Variants in CNTNAP2 observed in about 807,000 individuals in gnomAD.
CNTNAP2 encodes the protein contactin-associated protein-like 2.
Under a neutral mutation model 155.2 loss-of-function variants are expected in CNTNAP2, and 98 were observed. The observed-to-expected ratio is 0.63, with a 90% CI of 0.54 to 0.75. The LOEUF (loss-of-function observed/expected upper bound fraction) is 0.75. Ranked by LOEUF, CNTNAP2 falls within the 30% of genes least tolerant of loss-of-function variation. CNTNAP2 has a pLI of 0.00. For missense variants in CNTNAP2, 1,727 were observed against 1,688.1 expected (o/e 1.02, Z -0.40); for synonymous variants, 651 against 631.2 (o/e 1.03, Z -0.47).
intron 1 of CNTNAP2, among the ~76,000 whole-genome samples, chr7:146,641,280 C>T (rs950944833): frequency 3.9e-5 from 6 of 152,094 alleles, no homozygotes; most frequent in African/African-American, 1.2e-4. Context: ...GAGCCGAGAT[C>T]GCACCACTGC....
At chr7:146,775,105 C>A (rs1802365816) in intron 2 of CNTNAP2, among the ~76,000 whole-genome samples, 2 of 152,032 alleles carry the variant, frequency 1.3e-5, no homozygotes. Context: ...CAAACAGAGA[C>A]CATGATGTTT....
In CNTNAP2 at chr7:148,409,806, C is replaced by CTCGGGATACTGAGGCAGGAGAA. The variant is rs1563077600; in HGVS notation, c.3796+336_3796+337insCGGGATACTGAGGCAGGAGAAT. Among the ~76,000 whole-genome samples, 267 of 60,082 alleles carry CTCGGGATACTGAGGCAGGAGAA rather than the reference C, an allele frequency of 4.4e-3. 3 individuals carry two copies. The highest frequency in any genetic ancestry group is 5.5e-3 in the African/African-American group (69 of 12,498). The allele number at this position is 60,082 out of a possible 152,430, so 39.4% of individuals were successfully genotyped here. On this transcript the variant is annotated intron_variant, in intron 23 of 23. Transcript: ENST00000361727. ...GTGGCTCACGCCTGTAATCCCAGCA[C>CTCGGGATACTGAGGCAGGAGAA]TTTGGGAGGCCGAGGCGGGCGGATC...
At chr7:146,179,989 G>A (rs531784443) in intron 1 of CNTNAP2, among the ~76,000 whole-genome samples, 33 of 152,116 alleles carry the variant, frequency 2.2e-4, no homozygotes, top group South Asian at 1.0e-3. Flanking sequence ...CACTTTCTCC[G>A]CCACTTCCAA....
At chr7:148,320,420 G>A (rs1278233317) in intron 21 of CNTNAP2, among the ~76,000 whole-genome samples, 2 of 123,626 alleles carry the variant, frequency 1.6e-5, no homozygotes, top group African/African-American at 6.0e-5. Context: ...GTCTCCATAG[G>A]TCACCCAGGT....
At chr7:146,664,748 C>G (rs1189019373) in intron 1 of CNTNAP2, among the ~76,000 whole-genome samples, 1 of 152,114 alleles carries the variant, frequency 6.6e-6, no homozygotes, top group Non-Finnish European at 1.5e-5. Flanking sequence ...AAAAAATTCA[C>G]TATTGAAGTC....
At chr7:147,728,981 A>C (rs1234950025) in intron 13 of CNTNAP2, among the ~76,000 whole-genome samples, 1 of 149,314 alleles carries the variant, frequency 6.7e-6, no homozygotes, top group Non-Finnish European at 1.5e-5. Context: ...AAGGAAAATT[A>C]TATGTATAAT....
Position 146,978,260 on chromosome 7 carries a change from A to G in CNTNAP2, c.403-65647A>G, listed in dbSNP as rs188551597. 1.9e-4 allele frequency among the ~76,000 whole-genome samples: 29 copies of G among 152,332 alleles called. No individual in the cohort carries two copies. The East Asian group carries it at 3.7e-3, about 19-fold the overall frequency. On this transcript the variant is annotated intron_variant, in intron 3 of 23. Transcript: ENST00000361727. ...TTTGTAAGAGGTTTGCCATTTCAGC[A>G]TCTCACTGCAAGTGATAAGGTGGTT... is the stretch of plus-strand genomic sequence containing the variant.
intron 10 of CNTNAP2, among the ~76,000 whole-genome samples, chr7:147,405,081 G>T (rs1345723888): frequency 6.6e-6 from 1 of 152,208 alleles, no homozygotes; most frequent in Admixed American, 6.5e-5. Flanking sequence ...GCATATAGCT[G>T]TGCTTTGACA....
At chr7:148,236,668 C>T (rs946394521) in intron 20 of CNTNAP2, among the ~76,000 whole-genome samples, 1 of 152,068 alleles carries the variant, frequency 6.6e-6, no homozygotes, top group Non-Finnish European at 1.5e-5. Flanking sequence ...TAAAGAAATA[C>T]CTGAGACTGA....
chr7:148,205,913 C>T (rs1795441402), intron 18 of CNTNAP2, among the ~76,000 whole-genome samples: 1 of 152,106 alleles, frequency 6.6e-6, no homozygotes, highest in Non-Finnish European at 1.5e-5. Flanking sequence ...AGGCATTCAC[C>T]TTTAACCTCC....
intron 1 of CNTNAP2, among the ~76,000 whole-genome samples, chr7:146,391,235 G>T (rs1795539256): frequency 1.3e-5 from 2 of 151,488 alleles, no homozygotes; most frequent in South Asian, 2.1e-4. Flanking sequence ...GGACGAAGTG[G>T]CTGAGAAGCA....
intron 12 of CNTNAP2, among the ~76,000 whole-genome samples, chr7:147,567,169 G>T (rs996958763): frequency 3.3e-5 from 5 of 152,146 alleles, no homozygotes. Context: ...CAATTAGGGG[G>T]TGTTCTAAAT....
intron 5 of CNTNAP2, among the ~76,000 whole-genome samples, chr7:147,112,281 T>G (rs1800894898): frequency 6.6e-6 from 1 of 152,156 alleles, no homozygotes; most frequent in African/African-American, 2.4e-5. Context: ...TGGGCTGAGA[T>G]GATGAGGTTT....
At position 146,652,926 on chromosome 7, in the gene CNTNAP2, CTG is replaced by C. The variant is rs1341627352; in HGVS notation, c.98-121342_98-121341del. On this transcript the variant is annotated intron_variant, in intron 1 of 23. Transcript: ENST00000361727. ...TCACTATCTTGCTTCCATCCAGAGA[CTG>C]TGGAGTCTTTCTGGAACCAATATGG... 4.6e-5 allele frequency among the ~76,000 whole-genome samples: 7 copies of C among 152,146 alleles called. No individual in the cohort carries two copies. In the East Asian group the frequency reaches 1.3e-3, roughly 29 times the overall value.
chr7:148,126,204 T>C (rs1035902487), intron 16 of CNTNAP2, among the ~76,000 whole-genome samples: 2 of 152,110 alleles, frequency 1.3e-5, no homozygotes, highest in African/African-American at 4.8e-5. Context: ...CACAGCATCA[T>C]AGATGGCATG....
chr7:146,502,735 C>T (rs796496462), intron 1 of CNTNAP2, among the ~76,000 whole-genome samples: 32 of 152,236 alleles, frequency 2.1e-4, no homozygotes, highest in African/African-American at 6.7e-4. Flanking sequence ...TCTCAGCCTC[C>T]CAAATAGCTG....
At chr7:147,133,402 A>T (rs1801415971) in intron 8 of CNTNAP2, among the ~76,000 whole-genome samples, 1 of 152,056 alleles carries the variant, frequency 6.6e-6, no homozygotes, top group Non-Finnish European at 1.5e-5. Context: ...TACTGAAAGG[A>T]GTCATGACAG....
At chr7:147,840,547 T>C (rs941078525) in intron 13 of CNTNAP2, among the ~76,000 whole-genome samples, 68 of 152,186 alleles carry the variant, frequency 4.5e-4, no homozygotes, top group African/African-American at 1.6e-3. Context: ...TTTCATGTCT[T>C]ATGCTGGGGA....
intron 12 of CNTNAP2, among the ~76,000 whole-genome samples, chr7:147,590,821 T>C (rs1800722150): frequency 6.6e-6 from 1 of 152,208 alleles, no homozygotes; most frequent in Admixed American, 6.5e-5. Flanking sequence ...AAAGCCCTGT[T>C]TGATAGAACA....
Sources: gnomAD v4.1 joint callset for allele counts (sites outside exome capture counted in the v4.1 genomes callset) on GRCh38, gnomAD v4.1.1 for gene constraint, MANE v1.5 for transcripts, NCBI Gene and HGNC (gene_info 2026-07-23, HGNC 2026-07-21) for gene names.